ESR1: variants seen among roughly 807,000 people sequenced by gnomAD.
ESR1 encodes estrogen receptor.
Under a neutral mutation model 52.7 loss-of-function variants are expected in ESR1, and 12 were observed. The observed-to-expected ratio is 0.23, with a 90% CI of 0.15 to 0.37. The LOEUF (loss-of-function observed/expected upper bound fraction) is 0.37. Ranked by LOEUF, ESR1 falls within the 10% of genes least tolerant of loss-of-function variation. The pLI, the probability that ESR1 is intolerant of heterozygous loss-of-function variation, is 1.00. For missense variants in ESR1, 584 were observed against 779.7 expected, an observed-to-expected ratio of 0.75 and a Z score of 2.99; for synonymous variants, 305 against 316.8, an observed-to-expected ratio of 0.96 and a Z score of 0.39.
At chr6:151,864,865 A>T (rs1385506935) in intron 2 of ESR1, among the ~76,000 whole-genome samples, 1 of 146,788 alleles carries the variant, frequency 6.8e-6, no homozygotes, top group East Asian at 2.1e-4. Flanking sequence ...GCATGTTCTC[A>T]CTCATAGGTG....
chr6:151,910,387 C>T (rs953695766), intron 3 of ESR1, among the ~76,000 whole-genome samples: 1 of 152,138 alleles, frequency 6.6e-6, no homozygotes, highest in Non-Finnish European at 1.5e-5. Flanking sequence ...AATATATGAG[C>T]AGGACAAAGC....
chr6:151,783,276 C>G (rs1786719603), intron 2 of ESR1, among the ~76,000 whole-genome samples: 1 of 152,208 alleles, frequency 6.6e-6, no homozygotes, highest in Non-Finnish European at 1.5e-5. Flanking sequence ...TCAGCACCAG[C>G]CCTGTGTCTA....
At chr6:152,107,111 C>G (rs1008158429), downstream of ESR1, among the ~76,000 whole-genome samples, 1 of 151,466 alleles carries the variant, frequency 6.6e-6, no homozygotes, top group Non-Finnish European at 1.5e-5. Context: ...ATCACTGAAC[C>G]TCTTGAATGT....
chr6:151,984,412 A>G lies in ESR1; in HGVS notation c.1097-27244A>G, dbSNP rs960954905. On this transcript the variant is annotated intron_variant, in intron 4 of 7. Transcript: ENST00000206249. ...AATGTAAGCAGGATTCCATTGGAGA[A>G]CCAAACACTAGCAACAACTAACTTG... 1.1e-4 allele frequency among the ~76,000 whole-genome samples: 16 copies of G among 152,158 alleles called. 1 individual carries two copies. The highest frequency in any genetic ancestry group is 3.6e-4 in the African/African-American group (15 of 41,392).
At position 151,834,737 on chromosome 6, in the gene ESR1, A is replaced by G. The variant is rs118038328; in HGVS notation, c.453-7860A>G. 8.5e-4 allele frequency among the ~76,000 whole-genome samples: 130 copies of G among 152,132 alleles called. No homozygotes were observed. The Middle Eastern group carries it at 0.014, about 16-fold the overall frequency. ...AAAGAAAACAAACCAGTGTAAGAGG[A>G]TGGAAAGTAATAGGCTCGTTTAGAA... On this transcript the variant is annotated intron_variant, in intron 1 of 7. Transcript: ENST00000206249.
chr6:152,083,720 AAT>A (rs2049438420), intron 6 of ESR1, among the ~76,000 whole-genome samples: 1 of 152,234 alleles, frequency 6.6e-6, no homozygotes, highest in Non-Finnish European at 1.5e-5. Flanking sequence ...ACAAAGGGCT[AAT>A]ATCTTTGTAG....
At chr6:151,874,292 C>T (rs1378257441) in intron 2 of ESR1, among the ~76,000 whole-genome samples, 4 of 151,930 alleles carry the variant, frequency 2.6e-5, no homozygotes, top group African/African-American at 9.7e-5. Context: ...TACTGTATAT[C>T]TCTTTAGGGA....
chr6:151,742,219 G>A (rs1254996408), intron 2 of ESR1, among the ~76,000 whole-genome samples: 1 of 152,146 alleles, frequency 6.6e-6, no homozygotes, highest in Non-Finnish European at 1.5e-5. Context: ...CAATGAACAC[G>A]GGGGTGCAGA....
chr6:151,808,305 C>A lies in ESR1; in HGVS notation c.393C>A (p.Tyr131Ter). Reference protein sequence around the residue: ...LQPHGQQVPYYLENEPSGYTV... With the variant: ...LQPHGQQVPY The stretch of plus-strand genomic sequence containing the variant: ...CCCACGGCCAGCAGGTGCCCTACTA[C>A]CTGGAGAACGAGCCCAGCGGCTACA... The change falls in exon 1 of 8, where the codon TAC becomes TAA. Residue 131 changes from tyrosine (Y) to a stop codon, truncating the protein, a stop_gained. Transcript: ENST00000206249. LOFTEE classifies it high-confidence loss of function. 6.4e-7 allele frequency: 1 copy of A among 1,570,652 alleles called. No homozygotes were observed.
chr6:151,738,485 T>C (rs1286505582), intron 2 of ESR1, among the ~76,000 whole-genome samples: 1 of 152,208 alleles, frequency 6.6e-6, no homozygotes. Context: ...CCACCAACAG[T>C]GCACAAGGAT....
At chr6:151,729,355 C>A (rs1782075762) in intron 2 of ESR1, among the ~76,000 whole-genome samples, 1 of 152,162 alleles carries the variant, frequency 6.6e-6, no homozygotes, top group Non-Finnish European at 1.5e-5. Flanking sequence ...TGTTTATAAG[C>A]CACCTAGTCT....
At chr6:151,676,939 G>T (rs1301973182) in intron 1 of ESR1, among the ~76,000 whole-genome samples, 1 of 152,158 alleles carries the variant, frequency 6.6e-6, no homozygotes, top group African/African-American at 2.4e-5. Flanking sequence ...TTTGGAGATG[G>T]AGACAGAGTA....
chr6:151,732,801 A>G (rs1456047861), intron 2 of ESR1, among the ~76,000 whole-genome samples: 1 of 152,168 alleles, frequency 6.6e-6, no homozygotes, highest in Non-Finnish European at 1.5e-5. Context: ...ACCATGCCCC[A>G]TGAAGGGTAG....
At chr6:152,113,631 C>T (rs926180686) in intron 6 of ESR1, among the ~76,000 whole-genome samples, 2 of 151,866 alleles carry the variant, frequency 1.3e-5, no homozygotes, top group Admixed American at 6.6e-5. Flanking sequence ...AAAGAAACAA[C>T]AATTTTAACA....
intron 4 of ESR1, among the ~76,000 whole-genome samples, chr6:151,979,461 A>G (rs191713010): frequency 1.3e-3 from 198 of 152,214 alleles, no homozygotes; most frequent in African/African-American, 4.4e-3. Flanking sequence ...GTTTTTTAAA[A>G]CTCAGTAAAA....
intron 2 of ESR1, among the ~76,000 whole-genome samples, chr6:151,875,995 A>G (rs555086963): frequency 6.6e-6 from 1 of 152,258 alleles, no homozygotes; most frequent in East Asian, 1.9e-4. Context: ...TGGCGGGGGA[A>G]GGCTGGAGGC....
intron 1 of ESR1, among the ~76,000 whole-genome samples, chr6:151,827,766 G>A (rs1781753289): frequency 6.6e-6 from 1 of 152,226 alleles, no homozygotes; most frequent in African/African-American, 2.4e-5. Context: ...GGGGTTGGAT[G>A]TGACATGAGA....
chr6:151,933,021 T>C (rs984447759), intron 3 of ESR1, among the ~76,000 whole-genome samples: 1 of 152,110 alleles, frequency 6.6e-6, no homozygotes, highest in Non-Finnish European at 1.5e-5. Context: ...GGGGATGGCA[T>C]TGAATCTGTA....
rs1299944543 is a variant in ESR1, at chr6:151,876,430, C to T, written c.644-4225C>T. 2.6e-5 allele frequency among the ~76,000 whole-genome samples: 4 copies of T among 152,116 alleles called. No homozygotes were observed. In the East Asian group the frequency reaches 7.7e-4, roughly 29 times the overall value. On this transcript the variant is annotated intron_variant, in intron 2 of 7. Transcript: ENST00000206249. Reference sequence around the variant, plus strand: ...AAGAGGTGACAAAAGGAGAGACCTGCAATATTATATTGGCTTTCTCTCAGG... The same window carrying T: ...AAGAGGTGACAAAAGGAGAGACCTGTAATATTATATTGGCTTTCTCTCAGG...
Sources: gnomAD v4.1 joint callset for allele counts (sites outside exome capture counted in the v4.1 genomes callset) on GRCh38, gnomAD v4.1.1 for gene constraint, MANE v1.5 for transcripts, NCBI Gene and HGNC (gene_info 2026-07-23, HGNC 2026-07-21) for gene names.